Variants in AGBL3 observed in about 807,000 individuals in gnomAD.
AGBL3 encodes the protein AGBL carboxypeptidase 3.
AGBL3 carries 68 observed loss-of-function variants against 94.5 expected under a neutral mutation model. The observed-to-expected ratio is 0.72, with a 90% confidence interval of 0.59 to 0.88. AGBL3 has a LOEUF of 0.88. Ranked by LOEUF, AGBL3 falls within the 40% of genes least tolerant of loss-of-function variation. The probability of loss-of-function intolerance (pLI) is 0.00; values close to 1 mark genes in which losing one functional copy is unlikely to be tolerated. For synonymous variants in AGBL3, 354 were observed against 370.7 expected (o/e 0.95, Z 0.52); for missense variants, 934 against 1,103.8 (o/e 0.85, Z 2.18).
chr7:135,131,543 T>C (rs1249624301), intron 16 of AGBL3, among the ~76,000 whole-genome samples: 8 of 152,050 alleles, frequency 5.3e-5, no homozygotes, highest in South Asian at 4.2e-4. Flanking sequence ...AAGTGAGATA[T>C]AGCTAAAGCA....
chr7:135,025,182 A>G (rs1814952210), intron 5 of AGBL3, among the ~76,000 whole-genome samples: 1 of 151,598 alleles, frequency 6.6e-6, no homozygotes. Context: ...AGAATCATCA[A>G]AGTCAACATG....
intron 11 of AGBL3, among the ~76,000 whole-genome samples, chr7:135,053,478 A>G (rs903015900): frequency 1.1e-4 from 17 of 152,124 alleles, no homozygotes; most frequent in African/African-American, 3.6e-4. Context: ...ATGGTGGTAC[A>G]TGCCTGTAAT....
At chr7:135,064,460 TTG>T (rs1410334121) in intron 12 of AGBL3, among the ~76,000 whole-genome samples, 1 of 152,168 alleles carries the variant, frequency 6.6e-6, no homozygotes, top group Admixed American at 6.5e-5. Context: ...ACCTTGGCTG[TTG>T]TGTTAAGAGT....
chr7:135,115,520 T>G lies in AGBL3; in HGVS notation c.2251T>G (p.Leu751Val), dbSNP rs995942823. 6.4e-7 allele frequency: 1 copy of G among 1,551,356 alleles called. No individual in the cohort carries two copies. The highest frequency in any genetic ancestry group is 8.7e-7 in the Non-Finnish European group (1 of 1,146,854). The change falls in exon 16 of 17, where the codon TTG becomes GTG. Residue 751 changes from leucine to valine, a missense_variant. This residue lies in a region of AGBL3 where 441 missense variants were observed against 518.2 expected (regional missense o/e 0.85). Transcript: ENST00000436302. Reference protein sequence around the residue: ...IVQTQEILQYLLPIVHSTKNM... With the variant: ...IVQTQEILQYVLPIVHSTKNM... The stretch of plus-strand genomic sequence containing the variant: ...TCAAACTCAAGAAATATTGCAGTAT[T>G]TGCTCCCCATCGTGCATAGCACTAA...
intron 12 of AGBL3, among the ~76,000 whole-genome samples, chr7:135,074,905 G>A (rs996840611): frequency 1.3e-5 from 2 of 151,950 alleles, no homozygotes; most frequent in Admixed American, 6.6e-5. Context: ...TTTGAGTATA[G>A]GCATCTTTAT....
At chr7:135,052,185 G>A (rs1041445464) in intron 11 of AGBL3, among the ~76,000 whole-genome samples, 1 of 151,940 alleles carries the variant, frequency 6.6e-6, no homozygotes, top group Non-Finnish European at 1.5e-5. Flanking sequence ...TCAAAAATAT[G>A]AGTGAATAAC....
chr7:135,022,043 A>G lies in AGBL3; in HGVS notation c.418+4884A>G, dbSNP rs77108098. 7.1e-3 allele frequency among the ~76,000 whole-genome samples: 1,075 copies of G among 152,284 alleles called. 15 individuals are homozygous for G. The highest frequency in any genetic ancestry group is 0.025 in the African/African-American group (1,025 of 41,552). On this transcript the variant is annotated intron_variant, in intron 5 of 16. Transcript: ENST00000436302. ...TAGTAGTCCATGGTGTATTTGTACC[A>G]TATTTTATTTATCCAGTCTATCATT...
chr7:135,127,913 A>G (rs578090186), intron 16 of AGBL3, among the ~76,000 whole-genome samples: 1 of 152,342 alleles, frequency 6.6e-6, no homozygotes, highest in Non-Finnish European at 1.5e-5. Flanking sequence ...TAGCAAAGAC[A>G]TGGAACCAAC....
In AGBL3 at chr7:135,117,877, C is replaced by T. The variant is rs1040539326; in HGVS notation, c.2342+2266C>T. Among the ~76,000 whole-genome samples the T allele has an allele frequency of 2.0e-5, 3 of 152,172 alleles. No homozygotes were observed. In the East Asian group the frequency reaches 5.8e-4, roughly 29 times the overall value. On this transcript the variant is annotated intron_variant, in intron 16 of 16. Coordinates refer to ENST00000436302, the MANE Select transcript of AGBL3 (RefSeq NM_178563.4). ...TAATTATGTGACCTCTACCCACTGG[C>T]ATGGTTGCCAATCAGATTATCTTTC...
chr7:135,051,464 T>C (rs1433979442), intron 11 of AGBL3, among the ~76,000 whole-genome samples: 2 of 152,264 alleles, frequency 1.3e-5, no homozygotes, highest in African/African-American at 4.8e-5. Context: ...ATGATAAGAT[T>C]TCCCAGGCTC....
chr7:135,133,597 C>G (rs1268764427), intron 16 of AGBL3, among the ~76,000 whole-genome samples: 1 of 152,080 alleles, frequency 6.6e-6, no homozygotes, highest in Admixed American at 6.6e-5. Flanking sequence ...GGAACTGAGG[C>G]AAAAACCAAG....
intron 8 of AGBL3, among the ~76,000 whole-genome samples, chr7:135,043,035 C>A: frequency 6.6e-6 from 1 of 152,176 alleles, no homozygotes; most frequent in East Asian, 1.9e-4. Flanking sequence ...GGCATAATTT[C>A]AAATGGTCTT....
rs558006727 is a variant in AGBL3, at chr7:135,050,932, C to T, written c.1841+5021C>T. The T allele has an allele frequency of 2.2e-4, 82 of 371,564 alleles. 1 individual carries two copies. Among genetic ancestry groups the T allele is most frequent in the African/African-American group, 1.6e-3 (75 of 45,744 alleles). 23.0% of individuals were successfully genotyped at this position (371,564 alleles called of 1,614,324 possible). A position where few individuals can be genotyped will look rare whatever the true frequency, so the allele number is the denominator to read the frequency against. The stretch of plus-strand genomic sequence containing the variant: ...AAGGTCATTATTGATAGAAGATTTA[C>T]TATTGCCATTTTGTTGTTTTCTATT... On this transcript the variant is annotated intron_variant, in intron 11 of 16. Transcript: ENST00000436302.
At chr7:134,998,841 AG>A (rs949399567) in intron 4 of AGBL3, among the ~76,000 whole-genome samples, 1 of 152,158 alleles carries the variant, frequency 6.6e-6, no homozygotes, top group Non-Finnish European at 1.5e-5. Context: ...GGAAAAAAAA[AG>A]AAAAGTTGAG....
intron 12 of AGBL3, among the ~76,000 whole-genome samples, chr7:135,071,863 A>T (rs561751941): frequency 6.6e-6 from 1 of 152,334 alleles, no homozygotes; most frequent in African/African-American, 2.4e-5. Context: ...CAAGGACTTC[A>T]TGTCTAAAAC....
chr7:135,032,927 A>C lies in AGBL3; in HGVS notation c.502A>C (p.Thr168Pro). ...LKQPVDYRDN[T>P]LMFEARFESG... Reference sequence around the variant, plus strand: ...GCAGCCTGTGGATTACCGTGACAATACTTTGATGTTTGAAGCAAGGTTTGA... The same window carrying C: ...GCAGCCTGTGGATTACCGTGACAATCCTTTGATGTTTGAAGCAAGGTTTGA... The change falls in exon 6 of 17, where the codon ACT (threonine) becomes CCT (proline). Residue 168 changes from threonine (T) to proline (P), a missense_variant. Coordinates refer to ENST00000436302, the MANE Select transcript of AGBL3 (RefSeq NM_178563.4). 6.4e-7 allele frequency: 1 copy of C among 1,551,684 alleles called. No homozygotes were observed. The highest frequency in any genetic ancestry group is 1.2e-5 in the South Asian group (1 of 84,004).
chr7:135,127,875 CAT>C (rs1483602240), intron 16 of AGBL3, among the ~76,000 whole-genome samples: 2 of 152,122 alleles, frequency 1.3e-5, no homozygotes, highest in African/African-American at 4.8e-5. Context: ...CACATGCACA[CAT>C]ATGTTTATTG....
At chr7:135,083,004 T>C (rs954059177) in intron 15 of AGBL3, among the ~76,000 whole-genome samples, 1 of 152,118 alleles carries the variant, frequency 6.6e-6, no homozygotes, top group Non-Finnish European at 1.5e-5. Flanking sequence ...TCAATAACAT[T>C]GATGGCAGTA....
At chr7:135,099,363 A>G (rs1245933439) in intron 15 of AGBL3, among the ~76,000 whole-genome samples, 1 of 152,172 alleles carries the variant, frequency 6.6e-6, no homozygotes, top group African/African-American at 2.4e-5. Context: ...ATGTATGCAT[A>G]TATTTTGTGT....
Sources: gnomAD v4.1 joint callset for allele counts (sites outside exome capture counted in the v4.1 genomes callset) on GRCh38, gnomAD v4.1.1 for gene constraint, gnomAD v4.1.1 regional missense constraint, MANE v1.5 for transcripts, NCBI Gene and HGNC (gene_info 2026-07-23, HGNC 2026-07-21) for gene names.